Variants in PHTF2 observed in about 807,000 individuals in gnomAD.
PHTF2 encodes putative homeodomain transcription factor 2, also known as protein PHTF2.
In PHTF2, 60 loss-of-function variants were observed where a neutral mutation model predicts 101.2. The ratio of observed to expected loss-of-function variants is 0.59; its 90% CI spans 0.48 to 0.73. The LOEUF is 0.73. PHTF2 is among the 30% of genes least tolerant of loss of function. The probability of loss-of-function intolerance (pLI) is 0.00; values close to 1 mark genes in which losing one functional copy is unlikely to be tolerated. For synonymous variants in PHTF2, 311 were observed against 307.3 expected, an observed-to-expected ratio of 1.01 and a Z score of -0.13; for missense variants, 747 against 908.7, an observed-to-expected ratio of 0.82 and a Z score of 2.29.
Position 77,900,723 on chromosome 7 carries a change from A to T in PHTF2, c.229A>T (p.Lys77Ter). Residue 77 changes from lysine (K) to a stop codon, truncating the protein, a stop_gained, in exon 6 of 20, where the codon AAA becomes TAA. Transcript: ENST00000416283. LOFTEE classifies it high-confidence loss of function. ...TGATATATTATAGGGGCTAAGGAAT[A>T]AACCAAAGAAAACAGCACATGTGAA... The T allele has an allele frequency of 6.4e-7, 1 of 1,550,508 alleles. No homozygotes were observed. The highest frequency in any genetic ancestry group is 8.9e-7 in the Non-Finnish European group (1 of 1,122,432).
intron 1 of PHTF2, among the ~76,000 whole-genome samples, chr7:77,817,548 A>G (rs900624679): frequency 1.3e-4 from 20 of 152,162 alleles, no homozygotes; most frequent in Non-Finnish European, 2.1e-4. Flanking sequence ...AGATCTTGTG[A>G]GAACTTACTA....
intron 2 of PHTF2, among the ~76,000 whole-genome samples, chr7:77,849,154 C>T (rs1796537284): frequency 1.3e-5 from 2 of 151,886 alleles, no homozygotes; most frequent in Admixed American, 1.3e-4. Context: ...GATGGAGTCT[C>T]CCTCTGTCGC....
intron 12 of PHTF2, among the ~76,000 whole-genome samples, chr7:77,932,621 A>AGTGTGTGTGT (rs56005414): frequency 0.052 from 6,130 of 118,362 alleles, 186 homozygotes; most frequent in Non-Finnish European, 0.066. Flanking sequence ...AGAGAGAGAG[A>AGTGTGTGTGT]GTGTGTGTGT....
exon 12 of PHTF2, chr7:77,929,274 C>G: frequency 6.2e-7 from 1 of 1,611,838 alleles, no homozygotes; most frequent in Non-Finnish European, 8.5e-7. Context: ...TGTGGAAAAT[C>G]ATCAGATTAA....
At chr7:77,902,007 C>A (rs1193730432) in intron 7 of PHTF2, 87 bp downstream of exon 6, 4 of 625,218 alleles carry the variant, frequency 6.4e-6, no homozygotes, top group Non-Finnish European at 7.6e-6. Flanking sequence ...ATGCTAACTA[C>A]TACTGAGTAT....
chr7:77,897,922 C>T (rs892564735), intron 5 of PHTF2, among the ~76,000 whole-genome samples: 2 of 151,060 alleles, frequency 1.3e-5, no homozygotes, highest in African/African-American at 2.4e-5. Flanking sequence ...CTCAGGTGAT[C>T]CTGCCCACCT....
intron 15 of PHTF2, among the ~76,000 whole-genome samples, chr7:77,941,183 C>T (rs1805610237): frequency 6.6e-6 from 1 of 152,116 alleles, no homozygotes; most frequent in African/African-American, 2.4e-5. Flanking sequence ...GACCTGAAGA[C>T]CAATCATCCT....
intron 3 of PHTF2, among the ~76,000 whole-genome samples, chr7:77,875,175 G>A (rs938053610): frequency 6.6e-6 from 1 of 152,114 alleles, no homozygotes; most frequent in African/African-American, 2.4e-5. Context: ...ATCTTTGGTA[G>A]TATGGTCATT....
intron 1 of PHTF2, among the ~76,000 whole-genome samples, chr7:77,809,811 G>C (rs561643733): frequency 5.3e-5 from 8 of 152,148 alleles, no homozygotes; most frequent in Non-Finnish European, 1.2e-4. Context: ...GGCTTAACCT[G>C]TCTCTTCATT....
At chr7:77,863,262 C>T (rs1797789643) in intron 3 of PHTF2, among the ~76,000 whole-genome samples, 1 of 152,156 alleles carries the variant, frequency 6.6e-6, no homozygotes, top group Non-Finnish European at 1.5e-5. Context: ...AGTGTAATCT[C>T]TAATGAAGTA....
intron 3 of PHTF2, among the ~76,000 whole-genome samples, chr7:77,867,197 T>G (rs1798136468): frequency 6.6e-6 from 1 of 152,220 alleles, no homozygotes. Context: ...ACAGCTTGCC[T>G]GCTGGCAAGA....
intron 1 of PHTF2, among the ~76,000 whole-genome samples, chr7:77,828,687 A>G (rs1794862157): frequency 6.6e-6 from 1 of 152,076 alleles, no homozygotes; most frequent in African/African-American, 2.4e-5. Context: ...AGCAACATAT[A>G]TGTTTGGTAC....
intron 18 of PHTF2, 85 bp from the exon 18 acceptor site, chr7:77,953,684 T>C: frequency 8.2e-7 from 1 of 1,212,862 alleles, no homozygotes; most frequent in Non-Finnish European, 1.1e-6. Flanking sequence ...TTGAAAGTGT[T>C]TTTTAATTCT....
intron 1 of PHTF2, among the ~76,000 whole-genome samples, chr7:77,819,417 C>G (rs142392137): frequency 2.9e-4 from 44 of 152,254 alleles, no homozygotes; most frequent in African/African-American, 9.6e-4. Context: ...CCTTCTATCC[C>G]TAATTTGAGA....
At chr7:77,825,419 A>T (rs1329459429) in intron 1 of PHTF2, among the ~76,000 whole-genome samples, 1 of 152,136 alleles carries the variant, frequency 6.6e-6, no homozygotes, top group East Asian at 1.9e-4. Context: ...CCTTGAGAAG[A>T]CCCTACATAC....
intron 1 of PHTF2, among the ~76,000 whole-genome samples, chr7:77,807,372 G>GT (rs138432052): frequency 1.4e-3 from 209 of 147,832 alleles, no homozygotes; most frequent in African/African-American, 2.6e-3. Context: ...TTTATTTTCT[G>GT]TTTTTTTTTT....
At chr7:77,840,147 T>C (rs1327266069) in intron 1 of PHTF2, 74 bp from the exon 2 acceptor site, 5 of 760,588 alleles carry the variant, frequency 6.6e-6, no homozygotes, top group Admixed American at 1.9e-5. Flanking sequence ...CAGAGTGCTA[T>C]GTCTGCATGC....
At chr7:77,945,383 T>G (rs530288569) in intron 16 of PHTF2, among the ~76,000 whole-genome samples, 30 of 152,124 alleles carry the variant, frequency 2.0e-4, no homozygotes, top group South Asian at 8.3e-4. Flanking sequence ...AAAACAACAT[T>G]TGGAGAAATA....
At chr7:77,853,730 C>CT (rs550667706) in intron 2 of PHTF2, among the ~76,000 whole-genome samples, 7 of 151,782 alleles carry the variant, frequency 4.6e-5, no homozygotes, top group African/African-American at 7.2e-5. Context: ...CTCTCTCTTT[C>CT]TTTTTTTTAA....
Sources: allele counts gnomAD v4.1 joint callset (sites outside exome capture counted in the v4.1 genomes callset), GRCh38; gene constraint gnomAD v4.1.1; transcripts MANE v1.5; gene names NCBI Gene and HGNC (gene_info 2026-07-23, HGNC 2026-07-21).